Variants in CKAP5 observed in about 807,000 individuals in gnomAD.
The protein encoded by CKAP5 is cytoskeleton associated protein 5, also known as cytoskeleton-associated protein 5.
CKAP5 carries 27 observed loss-of-function variants against 232.8 expected under a neutral mutation model. The observed-to-expected ratio is 0.12, with a 90% confidence interval of 0.09 to 0.16. The LOEUF (loss-of-function observed/expected upper bound fraction) is 0.16. CKAP5 is among the 10% of genes least tolerant of loss of function. The pLI, the probability that CKAP5 is intolerant of heterozygous loss-of-function variation, is 1.00. For missense variants in CKAP5, 1,838 were observed against 2,424.7 expected (o/e 0.76, Z 5.08); for synonymous variants, 785 against 841.1 (o/e 0.93, Z 1.16).
At chr11:46,775,019 G>C (rs1368352914) in intron 24 of CKAP5, among the ~76,000 whole-genome samples, 1 of 152,078 alleles carries the variant, frequency 6.6e-6, no homozygotes, top group Non-Finnish European at 1.5e-5. Context: ...CTTCTGCACG[G>C]CAAAAGAAAC....
At chr11:46,797,381 CA>C (rs1362559888) in intron 11 of CKAP5, among the ~76,000 whole-genome samples, 1 of 137,734 alleles carries the variant, frequency 7.3e-6, no homozygotes, top group Non-Finnish European at 1.5e-5. Context: ...AAAACAAAAA[CA>C]ACAACAACAA....
chr11:46,795,929 C>T (rs1007275721), intron 12 of CKAP5, among the ~76,000 whole-genome samples, 153 bp from the exon 13 acceptor site: 25 of 152,016 alleles, frequency 1.6e-4, no homozygotes, highest in African/African-American at 4.8e-4. Context: ...TTTGGAAGGC[C>T]GAGATGGGTG....
intron 1 of CKAP5, among the ~76,000 whole-genome samples, chr11:46,825,764 AAAG>A (rs1258005240): frequency 6.6e-6 from 1 of 152,102 alleles, no homozygotes; most frequent in African/African-American, 2.4e-5. Flanking sequence ...AAAAAAAAAA[AAAG>A]AAATTATTTT....
chr11:46,747,846 G>C (rs1206157813), intron 42 of CKAP5, among the ~76,000 whole-genome samples: 1 of 151,802 alleles, frequency 6.6e-6, no homozygotes, highest in Non-Finnish European at 1.5e-5. Context: ...GATCACTTGA[G>C]CCCAGGAGTT....
chr11:46,823,067 C>T (rs1474829981), intron 1 of CKAP5, among the ~76,000 whole-genome samples: 1 of 152,004 alleles, frequency 6.6e-6, no homozygotes, highest in Non-Finnish European at 1.5e-5. Context: ...CTCAAGCGAT[C>T]CTTCCACCTC....
chr11:46,789,154 T>G (rs775797598), intron 15 of CKAP5, among the ~76,000 whole-genome samples: 1 of 152,218 alleles, frequency 6.6e-6, no homozygotes, highest in Non-Finnish European at 1.5e-5. Context: ...CAAAGCAGAA[T>G]AGATTTGAAG....
At position 46,846,254 on chromosome 11, in the gene CKAP5, G is replaced by A. The variant is rs1157139440; in HGVS notation, c.-72C>T. 6.6e-6 allele frequency: 1 copy of A among 152,314 alleles called. No homozygotes were observed. Among genetic ancestry groups the A allele is most frequent in the Non-Finnish European group, 1.5e-5 (1 of 68,204 alleles). The allele number at this position is 152,314 out of a possible 1,614,324, so 9.4% of individuals were successfully genotyped here. On this transcript the variant is annotated 5_prime_UTR_variant, in exon 1 of 44. Transcript: ENST00000529230. ...GTCAGAACCAAGCGGCCTGCTCTAA[G>A]CCGTTTGAAACCGCTTGGGCCGCCG... is the stretch of plus-strand genomic sequence containing the variant.
chr11:46,806,320 A>G (rs1225823630), intron 8 of CKAP5, among the ~76,000 whole-genome samples: 1 of 152,248 alleles, frequency 6.6e-6, no homozygotes, highest in Non-Finnish European at 1.5e-5. Context: ...TAGAAAACAC[A>G]TAATATTAAT....
chr11:46,768,297 C>T (rs972753345), intron 26 of CKAP5, among the ~76,000 whole-genome samples: 11 of 151,944 alleles, frequency 7.2e-5, no homozygotes, highest in Admixed American at 6.6e-4. Context: ...CTAAAACAGT[C>T]CTCCTACCTC....
chr11:46,801,971 G>T (rs957090382), intron 8 of CKAP5: 1 of 152,442 alleles, frequency 6.6e-6, no homozygotes, highest in South Asian at 2.1e-4. Context: ...AAATGAAAAG[G>T]CAATGTATCT....
chr11:46,817,856 A>T lies in CKAP5; in HGVS notation c.251+454T>A, dbSNP rs192324086. Among the ~76,000 whole-genome samples, 342 of 152,284 alleles carry T rather than the reference A, an allele frequency of 2.2e-3. 1 individual carries two copies. Among genetic ancestry groups the T allele is most frequent in the Non-Finnish European group, 3.3e-3 (225 of 68,004 alleles). ...CCTCCCCCAAGAAATAAAAATGCCT[A>T]ATGAACAAAGGGAGAAAGACATGAT... is the stretch of plus-strand genomic sequence containing the variant. On this transcript the variant is annotated intron_variant, in intron 3 of 43. Transcript: ENST00000529230.
intron 42 of CKAP5, 149 bp downstream of exon 42, chr11:46,750,125 T>C (rs999942939): frequency 7.4e-5 from 51 of 692,196 alleles, no homozygotes; most frequent in Middle Eastern, 2.5e-4. Flanking sequence ...TGGCTAAGAA[T>C]TGACCACTGG....
chr11:46,771,783 A>G (rs2065249507), intron 24 of CKAP5, among the ~76,000 whole-genome samples: 1 of 152,184 alleles, frequency 6.6e-6, no homozygotes, highest in Non-Finnish European at 1.5e-5. Context: ...CATTTTTCTG[A>G]AATAAATGTC....
intron 38 of CKAP5, among the ~76,000 whole-genome samples, chr11:46,752,256 ATAT>A (rs1300399346): frequency 6.9e-6 from 1 of 145,398 alleles, no homozygotes; most frequent in Non-Finnish European, 1.5e-5. Context: ...CATATATAAC[ATAT>A]TAAGATATAC....
chr11:46,768,075 C>CT (rs2065218059), intron 26 of CKAP5, among the ~76,000 whole-genome samples: 1 of 152,096 alleles, frequency 6.6e-6, no homozygotes, highest in African/African-American at 2.4e-5. Context: ...GGATTACAGG[C>CT]GTGAGTCACT....
intron 13 of CKAP5, among the ~76,000 whole-genome samples, chr11:46,791,245 GTTTT>G (rs201703341): frequency 2.1e-5 from 3 of 145,112 alleles, no homozygotes; most frequent in East Asian, 2.1e-4. Flanking sequence ...ATTTATTTGG[GTTTT>G]TTTTTTTTTT....
chr11:46,806,866 A>G (rs1939167221), intron 8 of CKAP5, among the ~76,000 whole-genome samples: 1 of 152,250 alleles, frequency 6.6e-6, no homozygotes, highest in Admixed American at 6.5e-5. Context: ...GGTAGACAAG[A>G]TAACACTCTA....
At chr11:46,748,255 C>T (rs2065036805) in intron 42 of CKAP5, among the ~76,000 whole-genome samples, 1 of 151,948 alleles carries the variant, frequency 6.6e-6, no homozygotes, top group Non-Finnish European at 1.5e-5. Flanking sequence ...CAGAGGAAGG[C>T]AGGGTGGAAG....
rs374088756 is a variant in CKAP5, at chr11:46,776,284, T to G, written c.2962A>C (p.Lys988Gln). 2 of 1,614,014 alleles carry G rather than the reference T, an allele frequency of 1.2e-6. No homozygotes were observed. The highest frequency in any genetic ancestry group is 2.2e-5 in the South Asian group (2 of 91,064). The change falls in exon 24 of 44, where the codon AAA (lysine) becomes CAA (glutamine). Residue 988 changes from lysine (K) to glutamine (Q), a missense_variant. This residue lies in a region of CKAP5 where 767 missense variants were observed against 954.6 expected (regional missense o/e 0.80). Coordinates refer to ENST00000529230, the MANE Select transcript of CKAP5 (RefSeq NM_001008938.4). ...LEGEDLSEEL[K>Q]KENPFLRQEL... ...TGCCTCAAGAAAGGATTTTCCTTTT[T>G]GAGCTCTTCAGAAAGATCTTCTCCT...
Sources: gnomAD v4.1 joint callset for allele counts (sites outside exome capture counted in the v4.1 genomes callset) on GRCh38, gnomAD v4.1.1 for gene constraint, gnomAD v4.1.1 regional missense constraint, MANE v1.5 for transcripts, NCBI Gene and HGNC (gene_info 2026-07-23, HGNC 2026-07-21) for gene names.